CDC42BPA: variants seen among roughly 807,000 people sequenced by gnomAD.
The protein encoded by CDC42BPA is serine/threonine-protein kinase MRCK alpha.
In CDC42BPA, 80 loss-of-function variants were observed where a neutral mutation model predicts 223.5. That is an observed-to-expected ratio of 0.36 (90% confidence interval 0.30 to 0.43). The LOEUF is 0.43. Ranked by LOEUF, CDC42BPA falls within the 20% of genes least tolerant of loss-of-function variation. CDC42BPA has a pLI of 1.00. For missense variants in CDC42BPA, 1,743 were observed against 2,099.9 expected, an observed-to-expected ratio of 0.83 and a Z score of 3.32; for synonymous variants, 694 against 718.6, an observed-to-expected ratio of 0.97 and a Z score of 0.55.
At chr1:227,232,757 T>C (rs952985741) in intron 2 of CDC42BPA, among the ~76,000 whole-genome samples, 3 of 152,244 alleles carry the variant, frequency 2.0e-5, no homozygotes, top group African/African-American at 7.2e-5. Context: ...TATTGCTGTC[T>C]GATCCTTCTT....
intron 1 of CDC42BPA, among the ~76,000 whole-genome samples, chr1:227,296,364 C>G (rs1163899822): frequency 1.3e-5 from 2 of 152,114 alleles, no homozygotes; most frequent in East Asian, 3.8e-4. Context: ...TAAAAATTAA[C>G]TCAAAATGGA....
chr1:227,205,592 T>C (rs1280833911), intron 3 of CDC42BPA, among the ~76,000 whole-genome samples: 3 of 152,048 alleles, frequency 2.0e-5, no homozygotes, highest in Non-Finnish European at 4.4e-5. Flanking sequence ...AGTACTTTAC[T>C]AACAATTATA....
chr1:227,039,346 T>C (rs1246058663), intron 24 of CDC42BPA, among the ~76,000 whole-genome samples: 2 of 152,204 alleles, frequency 1.3e-5, no homozygotes, highest in African/African-American at 4.8e-5. Context: ...TTGTTTATTT[T>C]TATTTTTAAA....
chr1:227,317,630 T>C lies in CDC42BPA; in HGVS notation c.-448A>G, dbSNP rs1573061022. 5.0e-6 allele frequency: 2 copies of C among 397,804 alleles called. No individual in the cohort carries two copies. The highest frequency in any genetic ancestry group is 8.9e-6 in the Non-Finnish European group (2 of 225,966). 24.6% of individuals were successfully genotyped at this position (397,804 alleles called of 1,614,324 possible). A position where few individuals can be genotyped will look rare whatever the true frequency, so the allele number is the denominator to read the frequency against. ...GTCCGATTTGCATCAGCAATTCACT[T>C]CCCGGGAAGAAGAAAAACAGAAAAG... On this transcript the variant is annotated 5_prime_UTR_variant, in exon 1 of 37. Transcript: ENST00000366766.
chr1:227,206,048 A>G (rs1177342012), intron 3 of CDC42BPA, among the ~76,000 whole-genome samples: 1 of 152,220 alleles, frequency 6.6e-6, no homozygotes, highest in East Asian at 1.9e-4. Context: ...ACTCTGCCTC[A>G]ATAAATAAAA....
chr1:227,003,363 C>T (rs909310705), intron 35 of CDC42BPA, among the ~76,000 whole-genome samples: 4 of 152,094 alleles, frequency 2.6e-5, no homozygotes, highest in African/African-American at 7.2e-5. Context: ...CACACTCGAT[C>T]GACACTCTCT....
chr1:227,101,027 A>C lies in CDC42BPA; in HGVS notation c.2214T>G (p.Ile738Met). The C allele has an allele frequency of 6.5e-7, 1 of 1,540,252 alleles. No homozygotes were observed. The highest frequency in any genetic ancestry group is 8.9e-7 in the Non-Finnish European group (1 of 1,118,986). The change falls in exon 15 of 37, where the codon ATT becomes ATG. Residue 738 changes from isoleucine to methionine, a missense_variant. By Grantham distance (10) the Ile-to-Met change is conservative (BLOSUM62 1). This residue lies in a region of CDC42BPA where 464 missense variants were observed against 488.0 expected (regional missense o/e 0.95). Coordinates refer to ENST00000366766, the MANE Select transcript of CDC42BPA (RefSeq NM_001394014.1). ...TGGTTTTTTCCAATTTGTCTTTTAAAATCATAATTTCTTTGTTGAGAGCAA... is the reference window on the plus strand; with the variant it reads ...TGGTTTTTTCCAATTTGTCTTTTAACATCATAATTTCTTTGTTGAGAGCAA... Reference protein sequence around the residue: ...QQLALNKEIMILKDKLEKTRR... With the variant: ...QQLALNKEIMMLKDKLEKTRR...
intron 22 of CDC42BPA, among the ~76,000 whole-genome samples, chr1:227,050,175 T>C (rs1243885505): frequency 3.3e-5 from 5 of 151,928 alleles, no homozygotes; most frequent in African/African-American, 4.8e-5. Flanking sequence ...AATGATTCAA[T>C]AGAACAACAA....
chr1:227,264,768 G>A, intron 1 of CDC42BPA: 1 of 947,716 alleles, frequency 1.1e-6, no homozygotes, highest in Non-Finnish European at 1.7e-6. Flanking sequence ...GGTCTTCCAA[G>A]CTTTAAAGAA....
At position 227,005,105 on chromosome 1, in the gene CDC42BPA, G is replaced by A. The variant is rs373302295; in HGVS notation, c.4864C>T (p.Arg1622Trp). The A allele has an allele frequency of 1.4e-5, 22 of 1,610,358 alleles. No homozygotes were observed. The highest frequency in any genetic ancestry group is 4.5e-5 in the East Asian group (2 of 44,816). ...QILKDLPMNP[R>W]PQESRTVFSG... ...AATACTGTCCGACTTTCCTGAGGCC[G>A]AGGGTTCTATAAACAAAAGCGAGAG... Residue 1622 changes from arginine (R) to tryptophan (W), a missense_variant, in exon 35 of 37, where the codon CGG becomes TGG. Transcript: ENST00000366766.
chr1:227,179,635 C>CAAAAAAAAAAA lies in CDC42BPA; in HGVS notation c.599+14140_599+14150dup, dbSNP rs59744442. Among the ~76,000 whole-genome samples the CAAAAAAAAAAA allele has an allele frequency of 1.6e-3, 56 of 34,234 alleles. 10 individuals are homozygous for CAAAAAAAAAAA. The highest frequency in any genetic ancestry group is 3.9e-3 in the South Asian group (2 of 510). 22.5% of individuals were successfully genotyped at this position (34,234 alleles called of 152,430 possible). A position where few individuals can be genotyped will look rare whatever the true frequency, so the allele number is the denominator to read the frequency against. ...TGGGCAACAGAGCGAGCCTCCATCT[C>CAAAAAAAAAAA]AAAAAAAAAAAAAAAAAAAAAAAAA... On this transcript the variant is annotated intron_variant, in intron 5 of 36. Transcript: ENST00000366766.
At chr1:227,170,753 C>G (rs931901466) in intron 5 of CDC42BPA, among the ~76,000 whole-genome samples, 3 of 152,212 alleles carry the variant, frequency 2.0e-5, no homozygotes, top group African/African-American at 7.2e-5. Context: ...CTTCAGAACT[C>G]CTAGTAGGGC....
Position 227,160,398 on chromosome 1 carries a change from C to T in CDC42BPA, c.693+145G>A, listed in dbSNP as rs372917570. ...ACCCCACTGTAAGTATGCCCAAATG[C>T]CTTTGTGGAAGGAGGTGGCGCATAG... On this transcript the variant is annotated intron_variant, in intron 6 of 36. Coordinates refer to ENST00000366766, the MANE Select transcript of CDC42BPA (RefSeq NM_001394014.1). 122 of 646,364 alleles carry T rather than the reference C, an allele frequency of 1.9e-4. 3 individuals carry two copies. Among genetic ancestry groups the T allele is most frequent in the East Asian group, 5.7e-4 (20 of 35,162 alleles). The allele number at this position is 646,364 out of a possible 1,614,324, so 40.0% of individuals were successfully genotyped here.
Position 227,080,926 on chromosome 1 carries a change from T to A in CDC42BPA, c.2447A>T (p.His816Leu). The A allele has an allele frequency of 6.2e-7, 1 of 1,613,886 alleles. No individual in the cohort carries two copies. Among genetic ancestry groups the A allele is most frequent in the Non-Finnish European group, 8.5e-7 (1 of 1,179,890 alleles). The part of the protein sequence containing the change: ...DLADKKESVA[H>L]WEAQITEIIQ... ...TATTTCTGTGATTTGGGCTTCCCAA[T>A]GTGCAACTGATTCTTTCTTGTCTGC... The change falls in exon 17 of 37, where the codon CAT becomes CTT. Residue 816 changes from histidine to leucine, a missense_variant. Transcript: ENST00000366766.
chr1:227,133,977 A>AAATAAATAAATAAGT (rs1657960041), intron 10 of CDC42BPA, among the ~76,000 whole-genome samples: 1 of 150,732 alleles, frequency 6.6e-6, no homozygotes, highest in Non-Finnish European at 1.5e-5. Flanking sequence ...ATAAATGAAT[A>AAATAAATAAATAAGT]AATAAATAAA....
At position 227,160,623 on chromosome 1, in the gene CDC42BPA, C is replaced by A; in HGVS notation, c.613G>T (p.Asp205Tyr). The part of the protein sequence containing the change: ...LHYVHRDIKP[D>Y]NILMDMNGHI... ...CCATTCATATCCATCAGTATATTGT[C>A]AGGTTTAATGTCTCTGAAAAAATAA... The change falls in exon 6 of 37, where the codon GAC (aspartate) becomes TAC (tyrosine). Residue 205 changes from aspartate to tyrosine, a missense_variant. Coordinates refer to ENST00000366766, the MANE Select transcript of CDC42BPA (RefSeq NM_001394014.1). The A allele has an allele frequency of 6.3e-7, 1 of 1,588,010 alleles. No homozygotes were observed. The highest frequency in any genetic ancestry group is 1.1e-5 in the South Asian group (1 of 88,902).
At chr1:227,004,914 A>T (rs1262526186) in intron 35 of CDC42BPA, 80 bp downstream of exon 35, 1 of 933,996 alleles carries the variant, frequency 1.1e-6, no homozygotes, top group East Asian at 2.4e-5. Flanking sequence ...AGTGAAGGAC[A>T]TGTCACCCAC....
At position 227,199,552 on chromosome 1, in the gene CDC42BPA, CT is replaced by C; in HGVS notation, c.450+4del. The C allele has an allele frequency of 6.7e-7, 1 of 1,487,298 alleles. No homozygotes were observed. The highest frequency in any genetic ancestry group is 9.3e-7 in the Non-Finnish European group (1 of 1,069,970). 92.1% of individuals were successfully genotyped at this position (1,487,298 alleles called of 1,614,324 possible). A position where few individuals can be genotyped will look rare whatever the true frequency, so the allele number is the denominator to read the frequency against. On this transcript the variant is annotated splice_donor_region_variant and intron_variant, in intron 4 of 36. Coordinates refer to ENST00000366766, the MANE Select transcript of CDC42BPA (RefSeq NM_001394014.1). ...AGTATATAGAAATACAAAAATGATT[CT>C]TACTAAGTTATTGTCATCCTGGAAA...
intron 12 of CDC42BPA, among the ~76,000 whole-genome samples, chr1:227,113,864 T>TAA (rs34320118): frequency 2.0e-4 from 22 of 112,480 alleles, no homozygotes; most frequent in African/African-American, 3.4e-4. Flanking sequence ...AATAACAATG[T>TAA]AAAAAAAAAA....
Sources: allele counts gnomAD v4.1 joint callset (sites outside exome capture counted in the v4.1 genomes callset), GRCh38; gene constraint gnomAD v4.1.1; regional missense constraint gnomAD v4.1.1; transcripts MANE v1.5; gene names NCBI Gene and HGNC (gene_info 2026-07-23, HGNC 2026-07-21).